The following RNF168 variants were observed in gnomAD, a reference collection of about 807,000 sequenced individuals.
RNF168 encodes E3 ubiquitin-protein ligase RNF168.
In RNF168, 34 loss-of-function variants were observed where a neutral mutation model predicts 34.9. That is an observed-to-expected ratio of 0.97 (90% CI 0.74 to 1.30). The LOEUF (loss-of-function observed/expected upper bound fraction) is 1.30. Among genes scored for constraint, RNF168 ranks in the 50% most tolerant of loss-of-function variants. The pLI is 0.00. For missense variants in RNF168, 725 were observed against 682.5 expected (o/e 1.06, Z -0.69); for synonymous variants, 264 against 254.7 (o/e 1.04, Z -0.35).
chr3:196,498,298 AG>A (rs1156873745), intron 1 of RNF168, among the ~76,000 whole-genome samples: 1 of 152,048 alleles, frequency 6.6e-6, no homozygotes, highest in Non-Finnish European at 1.5e-5. Flanking sequence ...CTGGTATTAC[AG>A]GTGCCCGCCA....
In RNF168 at chr3:196,486,465, G is replaced by A. The variant is rs80217616; in HGVS notation, c.558+934C>T. On this transcript the variant is annotated intron_variant, in intron 3 of 5. Coordinates refer to ENST00000318037, the MANE Select transcript of RNF168 (RefSeq NM_152617.4). ...CTCCTGCCTCAGCCCCTCCCAGCAGGTGGAGCTCCAGGCACGCACCATCAC... is the reference window on the plus strand; with the variant it reads ...CTCCTGCCTCAGCCCCTCCCAGCAGATGGAGCTCCAGGCACGCACCATCAC... 6.5e-3 allele frequency among the ~76,000 whole-genome samples: 983 copies of A among 151,560 alleles called. 11 individuals are homozygous for A. Among genetic ancestry groups the A allele is most frequent in the African/African-American group, 0.022 (924 of 41,304 alleles).
intron 1 of RNF168, among the ~76,000 whole-genome samples, chr3:196,495,828 G>A (rs747151153): frequency 6.6e-5 from 10 of 152,136 alleles, no homozygotes; most frequent in Non-Finnish European, 1.2e-4. Flanking sequence ...AGTGACAGTC[G>A]CAAACAGAAA....
chr3:196,478,045 C>A (rs60772307), intron 4 of RNF168, among the ~76,000 whole-genome samples: 2,873 of 152,330 alleles, frequency 0.019, 104 homozygotes, highest in African/African-American at 0.066. Context: ...TTTCTTGCCA[C>A]TGTGGCCTGG....
At chr3:196,476,395 C>T (rs6788104) in intron 4 of RNF168, among the ~76,000 whole-genome samples, 151,719 of 152,038 alleles carry the variant, frequency 1, 75,712 homozygotes, top group Middle Eastern at 1. Flanking sequence ...TGTTATCATA[C>T]ATACTTTTAT....
intron 1 of RNF168, among the ~76,000 whole-genome samples, chr3:196,499,085 T>C (rs1421358137): frequency 6.6e-6 from 1 of 151,628 alleles, no homozygotes; most frequent in Non-Finnish European, 1.5e-5. Flanking sequence ...AAGAATGTGG[T>C]CTTAACTGGA....
At chr3:196,492,327 C>A (rs1732615610) in intron 1 of RNF168, among the ~76,000 whole-genome samples, 1 of 151,382 alleles carries the variant, frequency 6.6e-6, no homozygotes, top group African/African-American at 2.5e-5. Flanking sequence ...AGCAAGACCC[C>A]ATCTTTGTTC....
Position 196,471,529 on chromosome 3 carries a change from G to C in RNF168, c.*290C>G. The C allele has an allele frequency of 2.8e-6, 1 of 358,384 alleles. No homozygotes were observed. The highest frequency in any genetic ancestry group is 5.4e-5 in the East Asian group (1 of 18,594). The allele number at this position is 358,384 out of a possible 1,614,324, so 22.2% of individuals were successfully genotyped here. ...AACATGCAGTTTTTGGAAAGACAAT[G>C]GCACTTGAAGATTTCCTGGAGTTGG... On this transcript the variant is annotated 3_prime_UTR_variant, in exon 6 of 6. Coordinates refer to ENST00000318037, the MANE Select transcript of RNF168 (RefSeq NM_152617.4).
At chr3:196,481,682 G>GGTTTTT (rs1577512919) in intron 4 of RNF168, among the ~76,000 whole-genome samples, 99 of 62,392 alleles carry the variant, frequency 1.6e-3, no homozygotes, top group African/African-American at 5.3e-3. Context: ...TTTCAGCTGC[G>GGTTTTT]TTTTTTTTTT....
At chr3:196,502,792 A>T in intron 1 of RNF168, 81 bp downstream of exon 1, 1 of 1,324,514 alleles carries the variant, frequency 7.5e-7, no homozygotes, top group Non-Finnish European at 1.1e-6. Context: ...GTTTGTTTTT[A>T]CTTTTTAAAT....
chr3:196,495,441 TTC>T (rs1189137926), intron 1 of RNF168, among the ~76,000 whole-genome samples: 2 of 152,238 alleles, frequency 1.3e-5, no homozygotes, highest in Non-Finnish European at 2.9e-5. Flanking sequence ...TTAGCTGTCA[TTC>T]TCTTTTAATC....
chr3:196,477,794 A>G (rs1732183697), intron 4 of RNF168, among the ~76,000 whole-genome samples: 1 of 152,222 alleles, frequency 6.6e-6, no homozygotes, highest in Non-Finnish European at 1.5e-5. Flanking sequence ...CATTCTGAAA[A>G]TAAGCAGAAC....
At chr3:196,479,884 G>A (rs536481371) in intron 4 of RNF168, among the ~76,000 whole-genome samples, 9 of 152,248 alleles carry the variant, frequency 5.9e-5, no homozygotes, top group East Asian at 1.9e-4. Context: ...AAGCTACTGC[G>A]CCCGGCTTGT....
chr3:196,479,711 C>A (rs1446738031), intron 4 of RNF168, among the ~76,000 whole-genome samples: 1 of 151,784 alleles, frequency 6.6e-6, no homozygotes, highest in East Asian at 1.9e-4. Context: ...CTGGCTCAGC[C>A]TCCCCAGTAG....
At chr3:196,473,397 A>G (rs1185502321) in intron 5 of RNF168, among the ~76,000 whole-genome samples, 2 of 152,258 alleles carry the variant, frequency 1.3e-5, no homozygotes, top group Non-Finnish European at 2.9e-5. Context: ...AATAATGTGC[A>G]TCTATAATAC....
At position 196,503,244 on chromosome 3, in the gene RNF168, CAG is replaced by C. The variant is rs935795801; in HGVS notation, c.-73_-72del. On this transcript the variant is annotated 5_prime_UTR_variant, in exon 1 of 6. Coordinates refer to ENST00000318037, the MANE Select transcript of RNF168 (RefSeq NM_152617.4). The stretch of plus-strand genomic sequence containing the variant: ...AAAGAATCCTATTTTCGGCCAACCA[CAG>C]AGAGAGCAAAAGCAGTTTTGTGTTT... The C allele has an allele frequency of 9.9e-5, 136 of 1,378,724 alleles. No individual in the cohort carries two copies. Among genetic ancestry groups the C allele is most frequent in the Non-Finnish European group, 1.2e-4 (120 of 972,090 alleles). 85.4% of individuals were successfully genotyped at this position (1,378,724 alleles called of 1,614,324 possible).
intron 2 of RNF168, 126 bp downstream of exon 2, chr3:196,488,481 C>A (rs375597386): frequency 1.0e-4 from 51 of 486,692 alleles, no homozygotes; most frequent in Middle Eastern, 6.3e-4. Context: ...GACTCCATCT[C>A]AAAAAAAAAA....
Position 196,502,890 on chromosome 3 carries a change from T to C in RNF168, c.284A>G (p.Gln95Arg). 6.2e-7 allele frequency: 1 copy of C among 1,614,146 alleles called. No homozygotes were observed. Among genetic ancestry groups the C allele is most frequent in the Non-Finnish European group, 8.5e-7 (1 of 1,179,970 alleles). Reference sequence around the variant, plus strand: ...TTACTCACCCACTTCCTCTGATTCTTGGCCAGACGCTCTAAGCTTGCACTC... The same window carrying C: ...TTACTCACCCACTTCCTCTGATTCTCGGCCAGACGCTCTAAGCTTGCACTC... Reference protein sequence around the residue: ...PRECKLRASGQESEEVADDYQ... With the variant: ...PRECKLRASGRESEEVADDYQ... Residue 95 changes from glutamine to arginine, a missense_variant, in exon 1 of 6, where the codon CAA becomes CGA. Transcript: ENST00000318037.
chr3:196,489,853 C>T (rs1352026552), intron 1 of RNF168, among the ~76,000 whole-genome samples: 1 of 152,168 alleles, frequency 6.6e-6, no homozygotes, highest in Middle Eastern at 3.2e-3. Flanking sequence ...GCTGTTAAAT[C>T]AGAATCCTCG....
intron 1 of RNF168, among the ~76,000 whole-genome samples, chr3:196,498,943 C>G (rs926549007): frequency 6.6e-6 from 1 of 151,276 alleles, no homozygotes; most frequent in Non-Finnish European, 1.5e-5. Context: ...TGCAGTGAGC[C>G]GAGATCCTGT....
Sources: gnomAD v4.1 joint callset for allele counts (sites outside exome capture counted in the v4.1 genomes callset) on GRCh38, gnomAD v4.1.1 for gene constraint, MANE v1.5 for transcripts, NCBI Gene and HGNC (gene_info 2026-07-23, HGNC 2026-07-21) for gene names.